The following FRMPD3 variants were observed in gnomAD, a reference collection of about 807,000 sequenced individuals.
The protein encoded by FRMPD3 is FERM and PDZ domain-containing protein 3.
In FRMPD3, 42 loss-of-function variants were observed where a neutral mutation model predicts 97.9. The ratio of observed to expected loss-of-function variants is 0.43; its 90% CI spans 0.34 to 0.55. The LOEUF (loss-of-function observed/expected upper bound fraction) is 0.55, where lower values mean the gene tolerates loss of function less well. FRMPD3 is among the 20% of genes least tolerant of loss of function. The pLI is 0.03. For missense variants in FRMPD3, 1,303 were observed against 1,457.7 expected, an observed-to-expected ratio of 0.89 and a Z score of 1.73; for synonymous variants, 577 against 581.1, an observed-to-expected ratio of 0.99 and a Z score of 0.10.
chrX:107,522,453 G>C (rs1258850672), intron 1 of FRMPD3: 1 of 557,408 alleles, frequency 1.8e-6, no homozygotes, highest in Non-Finnish European at 3.2e-6. Context: ...GCTTGCAATG[G>C]AGACTCTGGA....
chrX:107,590,276 C>T (rs970094565), intron 13 of FRMPD3, among the ~76,000 whole-genome samples: 29 of 111,969 alleles, frequency 2.6e-4, no homozygotes, highest in Non-Finnish European at 4.1e-4. Context: ...CCTAATTGCC[C>T]CAGTTGGAAC....
chrX:107,509,584 AC>A (rs1296267965), intron 1 of FRMPD3, among the ~76,000 whole-genome samples: 3 of 111,307 alleles, frequency 2.7e-5, no homozygotes, highest in Non-Finnish European at 5.7e-5. Context: ...AGTGACTTAA[AC>A]ACCTAGAGGT....
chrX:107,488,755 T>C (rs1044007759), intron 1 of FRMPD3, among the ~76,000 whole-genome samples: 1 of 110,230 alleles, frequency 9.1e-6, no homozygotes, highest in South Asian at 4.1e-4. Context: ...AAAAGCATTC[T>C]CTGAGGGGCA....
intron 1 of FRMPD3, among the ~76,000 whole-genome samples, chrX:107,467,543 T>C (rs1931594712): frequency 8.9e-6 from 1 of 111,800 alleles, no homozygotes; most frequent in East Asian, 2.8e-4. Context: ...ACATCGTGTC[T>C]GGCCGATTTC....
chrX:107,453,209 A>C (rs898008533), intron 1 of FRMPD3, among the ~76,000 whole-genome samples: 6 of 111,023 alleles, frequency 5.4e-5, no homozygotes, highest in African/African-American at 2.0e-4. Flanking sequence ...ATACACACAA[A>C]TACACACACA....
rs762476079 is a variant in FRMPD3 at position 107,564,869 on chromosome X, G to A, written c.1117-18G>A. The A allele has an allele frequency of 7.5e-5, 91 of 1,207,162 alleles. No homozygotes were observed. The highest frequency in any genetic ancestry group is 1.0e-4 in the Non-Finnish European group (91 of 893,603). Reference sequence around the variant, plus strand: ...ACCCTTCCTTCTGTGAACGTTGCCTGCCATTCTTGGGCACCAGGATGAGAA... The same window carrying A: ...ACCCTTCCTTCTGTGAACGTTGCCTACCATTCTTGGGCACCAGGATGAGAA... On this transcript the variant is annotated intron_variant, in intron 11 of 14. Transcript: ENST00000683843.
chrX:107,480,854 A>G (rs1283477932), intron 1 of FRMPD3, among the ~76,000 whole-genome samples: 1 of 101,087 alleles, frequency 9.9e-6, no homozygotes, highest in Non-Finnish European at 2.0e-5. Flanking sequence ...AAAGAAAGAA[A>G]GAAGGAAAGA....
At chrX:107,534,779 G>A (rs747488359) in intron 4 of FRMPD3, among the ~76,000 whole-genome samples, 59 of 110,861 alleles carry the variant, frequency 5.3e-4, no homozygotes, top group Non-Finnish European at 1.0e-3. Flanking sequence ...ATCCTCACAC[G>A]TACACTCACA....
chrX:107,529,712 A>T (rs774052100), intron 2 of FRMPD3, among the ~76,000 whole-genome samples: 4 of 112,197 alleles, frequency 3.6e-5, no homozygotes, highest in African/African-American at 1.3e-4. Context: ...AAAAAAAAAT[A>T]ACCCTTTAGG....
chrX:107,533,582 T>C lies in FRMPD3; in HGVS notation c.297+32T>C, dbSNP rs761182677. On this transcript the variant is annotated intron_variant, in intron 4 of 14. Transcript: ENST00000683843. Reference sequence around the variant, plus strand: ...GAGCCTCTTTGCCATCTGCCCTTCCTCCTGACTGAGAAGAGATGACATTTC... The same window carrying C: ...GAGCCTCTTTGCCATCTGCCCTTCCCCCTGACTGAGAAGAGATGACATTTC... 6.0e-6 allele frequency: 7 copies of C among 1,169,511 alleles called. No homozygotes were observed. In the African/African-American group the frequency reaches 7.1e-5, roughly 12 times the overall value.
At chrX:107,596,528 G>T (rs1267450114) in intron 13 of FRMPD3, among the ~76,000 whole-genome samples, 1 of 112,202 alleles carries the variant, frequency 8.9e-6, no homozygotes, top group East Asian at 2.8e-4. Context: ...ATAATTCTCA[G>T]ATGCACACAC....
chrX:107,461,947 A>AT (rs71891736), intron 1 of FRMPD3, among the ~76,000 whole-genome samples: 1,168 of 101,433 alleles, frequency 0.012, 9 homozygotes, highest in Non-Finnish European at 0.018. Context: ...CCCTGCAGTC[A>AT]TTTTTTTTTT....
chrX:107,509,459 A>T (rs1922115113), intron 1 of FRMPD3, among the ~76,000 whole-genome samples: 1 of 112,002 alleles, frequency 8.9e-6, no homozygotes, highest in Non-Finnish European at 1.9e-5. Flanking sequence ...TTCAGAGTGC[A>T]CTGTACCATT....
intron 1 of FRMPD3, among the ~76,000 whole-genome samples, chrX:107,483,531 G>A (rs1921429234): frequency 8.9e-6 from 1 of 111,871 alleles, no homozygotes; most frequent in Non-Finnish European, 1.9e-5. Context: ...GTCTCTTGGG[G>A]TCTGGGGCTC....
chrX:107,560,450 T>A (rs1490620818), intron 9 of FRMPD3, 57 bp downstream of exon 9: 3 of 1,173,795 alleles, frequency 2.6e-6, no homozygotes, highest in Non-Finnish European at 3.4e-6. Flanking sequence ...AGGGAAAAGG[T>A]ACACTGGTTG....
intron 1 of FRMPD3, among the ~76,000 whole-genome samples, chrX:107,523,394 C>T (rs1418289573): frequency 1.8e-5 from 2 of 111,696 alleles, no homozygotes; most frequent in African/African-American, 6.5e-5. Flanking sequence ...CTATGAACCA[C>T]ATAGCTGGGC....
intron 7 of FRMPD3, among the ~76,000 whole-genome samples, chrX:107,553,312 A>C (rs1921942625): frequency 9.4e-6 from 1 of 106,795 alleles, no homozygotes; most frequent in East Asian, 3.0e-4. Flanking sequence ...AGTGGATCCT[A>C]CTCAGCCAAT....
chrX:107,477,947 T>C (rs56834722), intron 1 of FRMPD3, among the ~76,000 whole-genome samples: 3,501 of 111,284 alleles, frequency 0.031, 132 homozygotes, highest in African/African-American at 0.1. Flanking sequence ...TTGTCTCTAC[T>C]AATCCAAAGC....
intron 7 of FRMPD3, 137 bp from the exon 8 acceptor site, chrX:107,554,248 G>C (rs1921984240): frequency 1.6e-6 from 1 of 625,543 alleles, no homozygotes; most frequent in Admixed American, 3.6e-5. Context: ...GAATCAGCCA[G>C]GTCGGAGACA....
Sources: allele counts gnomAD v4.1 joint callset (sites outside exome capture counted in the v4.1 genomes callset), GRCh38; gene constraint gnomAD v4.1.1; transcripts MANE v1.5; gene names NCBI Gene and HGNC (gene_info 2026-07-23, HGNC 2026-07-21).